C8orf34: variants seen among roughly 807,000 people sequenced by gnomAD.
The protein encoded by C8orf34 is chromosome 8 open reading frame 34.
In C8orf34, 65 loss-of-function variants were observed where a neutral mutation model predicts 68.3. That is an observed-to-expected ratio of 0.95 (90% CI 0.78 to 1.17). The LOEUF is 1.17. Ranked by LOEUF, C8orf34 falls within the 50% of genes most tolerant of loss-of-function variation. The probability of loss-of-function intolerance (pLI) is 0.00; values close to 1 mark genes in which losing one functional copy is unlikely to be tolerated. For synonymous variants in C8orf34, 244 were observed against 241.2 expected (o/e 1.01, Z -0.11); for missense variants, 664 against 655.4 (o/e 1.01, Z -0.14).
At chr8:68,626,246 AC>A (rs1818534968) in intron 7 of C8orf34, among the ~76,000 whole-genome samples, 3 of 152,190 alleles carry the variant, frequency 2.0e-5, no homozygotes, top group Non-Finnish European at 4.4e-5. Flanking sequence ...AAGACAGAAT[AC>A]AAGGAAAGAA....
intron 1 of C8orf34, among the ~76,000 whole-genome samples, chr8:68,417,427 G>T (rs1809724408): frequency 6.6e-6 from 1 of 151,970 alleles, no homozygotes. Flanking sequence ...AAATAAACTT[G>T]TACAGCACCC....
intron 10 of C8orf34, among the ~76,000 whole-genome samples, chr8:68,745,221 G>C (rs1822446939): frequency 6.6e-6 from 1 of 151,848 alleles, no homozygotes. Flanking sequence ...CCCTACAAGA[G>C]CTCCTGAAGG....
intron 7 of C8orf34, among the ~76,000 whole-genome samples, chr8:68,636,123 A>G (rs1374382600): frequency 6.6e-6 from 1 of 152,122 alleles, no homozygotes; most frequent in Non-Finnish European, 1.5e-5. Context: ...GGCTGACTAG[A>G]AACTATCTTA....
intron 8 of C8orf34, among the ~76,000 whole-genome samples, chr8:68,642,205 A>G (rs1323068265): frequency 6.6e-6 from 1 of 152,220 alleles, no homozygotes; most frequent in African/African-American, 2.4e-5. Flanking sequence ...GGAGGCCTAA[A>G]ATAGATAAAA....
In C8orf34 at chr8:68,339,915, T is replaced by C. The variant is rs138009386; in HGVS notation, c.327+8576T>C. On this transcript the variant is annotated intron_variant, in intron 1 of 13. Transcript: ENST00000518698. Reference sequence around the variant, plus strand: ...TGCCTATTATATATAAACAATACTTTTCTTAAAACACTATGATAAGAAGAG... The same window carrying C: ...TGCCTATTATATATAAACAATACTTCTCTTAAAACACTATGATAAGAAGAG... Among the ~76,000 whole-genome samples the C allele has an allele frequency of 2.1e-3, 320 of 152,172 alleles. 1 individual carries two copies. Among genetic ancestry groups the C allele is most frequent in the African/African-American group, 7.6e-3 (315 of 41,580 alleles).
At chr8:68,522,201 A>G (rs569758623) in intron 6 of C8orf34, among the ~76,000 whole-genome samples, 12 of 152,332 alleles carry the variant, frequency 7.9e-5, no homozygotes, top group African/African-American at 2.9e-4. Context: ...AGATCACCAT[A>G]TCTTTGCTAC....
chr8:68,705,327 A>G (rs752841289), intron 8 of C8orf34, among the ~76,000 whole-genome samples: 1 of 152,142 alleles, frequency 6.6e-6, no homozygotes, highest in Non-Finnish European at 1.5e-5. Flanking sequence ...AGGGCCTTGG[A>G]TAGAGCTGAG....
chr8:68,401,539 A>C (rs1309291763), intron 1 of C8orf34, among the ~76,000 whole-genome samples: 1 of 151,948 alleles, frequency 6.6e-6, no homozygotes, highest in Non-Finnish European at 1.5e-5. Flanking sequence ...GATTATTTGG[A>C]TGTGTGTTCC....
rs115691166 is a variant in C8orf34 at position 68,477,216 on chromosome 8, C to T, written c.736+8396C>T. Among the ~76,000 whole-genome samples the T allele has an allele frequency of 8.5e-3, 1,289 of 152,290 alleles. 20 individuals carry two copies. The highest frequency in any genetic ancestry group is 0.03 in the African/African-American group (1,249 of 41,572). On this transcript the variant is annotated intron_variant, in intron 4 of 13. Transcript: ENST00000518698. Reference sequence around the variant, plus strand: ...TAATAAAGGGAATGAAGCTAGAAGTCTGGGTTACAGAGAAGTCAGGAATCA... The same window carrying T: ...TAATAAAGGGAATGAAGCTAGAAGTTTGGGTTACAGAGAAGTCAGGAATCA...
chr8:68,396,712 CAAAA>C (rs56946858), intron 1 of C8orf34, among the ~76,000 whole-genome samples: 4 of 18,696 alleles, frequency 2.1e-4, no homozygotes, highest in Admixed American at 1.1e-3. Flanking sequence ...AGCTGCTTGT[CAAAA>C]AAAAAAAAAA....
intron 8 of C8orf34, among the ~76,000 whole-genome samples, chr8:68,671,776 A>G (rs1820018943): frequency 6.6e-6 from 1 of 152,170 alleles, no homozygotes; most frequent in Non-Finnish European, 1.5e-5. Flanking sequence ...TTTCTTATTA[A>G]ATTAACACTA....
intron 5 of C8orf34, among the ~76,000 whole-genome samples, chr8:68,500,927 G>T (rs1386267824): frequency 6.6e-6 from 1 of 152,128 alleles, no homozygotes; most frequent in Non-Finnish European, 1.5e-5. Context: ...AGAAGCTTGG[G>T]AATAAGAGAC....
intron 1 of C8orf34, among the ~76,000 whole-genome samples, chr8:68,336,175 A>G (rs1805840365): frequency 6.6e-6 from 1 of 151,772 alleles, no homozygotes; most frequent in Non-Finnish European, 1.5e-5. Context: ...CAAAAATAAC[A>G]TAGGCTTTCC....
intron 7 of C8orf34, among the ~76,000 whole-genome samples, chr8:68,542,665 G>A (rs78421701): frequency 2.9e-3 from 445 of 152,200 alleles, no homozygotes; most frequent in African/African-American, 9.6e-3. Context: ...TGTGAGTGGA[G>A]TTATTTTCCA....
intron 1 of C8orf34, among the ~76,000 whole-genome samples, chr8:68,355,785 G>C (rs1806721750): frequency 6.6e-6 from 1 of 152,154 alleles, no homozygotes; most frequent in Non-Finnish European, 1.5e-5. Flanking sequence ...TCTCCACAGT[G>C]ACAATATGCT....
chr8:68,622,654 T>C (rs1191765804), intron 7 of C8orf34, among the ~76,000 whole-genome samples: 1 of 152,166 alleles, frequency 6.6e-6, no homozygotes, highest in African/African-American at 2.4e-5. Flanking sequence ...TTTGTTTTGT[T>C]AGTCATGGTA....
At chr8:68,455,770 T>C (rs563131588) in intron 3 of C8orf34, among the ~76,000 whole-genome samples, 3 of 152,218 alleles carry the variant, frequency 2.0e-5, no homozygotes, top group African/African-American at 7.2e-5. Flanking sequence ...TAAAACTCTT[T>C]AGGAATAGAA....
intron 1 of C8orf34, among the ~76,000 whole-genome samples, chr8:68,360,246 T>C (rs903040849): frequency 6.6e-6 from 1 of 152,194 alleles, no homozygotes; most frequent in Non-Finnish European, 1.5e-5. Context: ...GTCCTGACAC[T>C]CAACCAACCC....
intron 7 of C8orf34, among the ~76,000 whole-genome samples, chr8:68,569,353 C>T (rs549064069): frequency 1.9e-3 from 282 of 152,324 alleles, no homozygotes; most frequent in African/African-American, 6.6e-3. Context: ...GTCCACAGAG[C>T]AGGAAATGAA....
Sources: allele counts gnomAD v4.1 joint callset (sites outside exome capture counted in the v4.1 genomes callset), GRCh38; gene constraint gnomAD v4.1.1; transcripts MANE v1.5; gene names NCBI Gene and HGNC (gene_info 2026-07-23, HGNC 2026-07-21).